LGR6: variants seen among roughly 807,000 people sequenced by gnomAD.
LGR6 encodes the protein leucine-rich repeat-containing G protein-coupled receptor 6.
A neutral mutation model predicts 69.4 loss-of-function variants in LGR6; 45 were observed. That is an observed-to-expected ratio of 0.65 (90% confidence interval 0.51 to 0.83). LGR6 has a LOEUF of 0.83. Ranked by LOEUF, LGR6 falls within the 40% of genes least tolerant of loss-of-function variation. LGR6 has a pLI of 0.00. For missense variants in LGR6, 1,108 were observed against 1,246.7 expected, an observed-to-expected ratio of 0.89 and a Z score of 1.68; for synonymous variants, 538 against 555.0, an observed-to-expected ratio of 0.97 and a Z score of 0.43.
chr1:202,246,989 A>C (rs1662760689), intron 4 of LGR6, among the ~76,000 whole-genome samples: 1 of 152,246 alleles, frequency 6.6e-6, no homozygotes, highest in Non-Finnish European at 1.5e-5. Context: ...CCATGACTTT[A>C]GACTGTGCAG....
chr1:202,286,531 C>A (rs1284865309), intron 6 of LGR6, among the ~76,000 whole-genome samples: 1 of 152,044 alleles, frequency 6.6e-6, no homozygotes, highest in Non-Finnish European at 1.5e-5. Flanking sequence ...CCAAGGACAC[C>A]CAGCTAATTA....
intron 10 of LGR6, 24 bp from the exon 11 acceptor site, chr1:202,304,535 G>A: frequency 6.3e-7 from 1 of 1,584,074 alleles, no homozygotes; most frequent in Non-Finnish European, 8.6e-7. Context: ...CCTGGTGCCA[G>A]CTCTGTCTCT....
chr1:202,301,887 T>C (rs1667622934), intron 9 of LGR6, among the ~76,000 whole-genome samples: 1 of 152,038 alleles, frequency 6.6e-6, no homozygotes, highest in African/African-American at 2.4e-5. Context: ...GGCGTGGTGG[T>C]GGGCACCTGT....
chr1:202,224,618 G>C (rs926139708), intron 1 of LGR6, among the ~76,000 whole-genome samples: 1 of 152,196 alleles, frequency 6.6e-6, no homozygotes, highest in Non-Finnish European at 1.5e-5. Flanking sequence ...GCATTAGTTA[G>C]AGTCTCATAA....
chr1:202,194,734 AG>A (rs1189110283), intron 1 of LGR6: 11 of 261,106 alleles, frequency 4.2e-5, no homozygotes, highest in Non-Finnish European at 7.5e-5. Flanking sequence ...AGAAGCTGGG[AG>A]GGGGGCCTTA....
At chr1:202,316,739 AG>A (rs1240932363) in intron 17 of LGR6, among the ~76,000 whole-genome samples, 1 of 152,200 alleles carries the variant, frequency 6.6e-6, no homozygotes, top group African/African-American at 2.4e-5. Context: ...GTAATAAGAA[AG>A]AAAAGGTTTA....
chr1:202,251,897 G>C (rs1430335443), intron 4 of LGR6, among the ~76,000 whole-genome samples: 1 of 152,146 alleles, frequency 6.6e-6, no homozygotes, highest in African/African-American at 2.4e-5. Flanking sequence ...GAAGAGGAGG[G>C]AGAAGGAGGA....
At chr1:202,235,207 C>T (rs1388183434) in intron 3 of LGR6, among the ~76,000 whole-genome samples, 1 of 152,190 alleles carries the variant, frequency 6.6e-6, no homozygotes, top group East Asian at 1.9e-4. Flanking sequence ...ACCCTCTACC[C>T]TACACATGGG....
chr1:202,226,429 G>A (rs1660556493), intron 2 of LGR6, among the ~76,000 whole-genome samples: 2 of 152,170 alleles, frequency 1.3e-5, no homozygotes, highest in Admixed American at 6.5e-5. Flanking sequence ...CAAACTGTGA[G>A]TTCCTGGCCC....
intron 4 of LGR6, among the ~76,000 whole-genome samples, chr1:202,245,214 C>T (rs986487455): frequency 1.4e-4 from 19 of 138,470 alleles, no homozygotes; most frequent in Admixed American, 8.2e-4. Flanking sequence ...TTTTGGGCTC[C>T]GTGATTATAT....
At chr1:202,306,615 T>C in intron 12 of LGR6, 1 of 527,664 alleles carries the variant, frequency 1.9e-6, no homozygotes, top group Non-Finnish European at 3.4e-6. Context: ...CCAGGCCCAG[T>C]GGGAACACTG....
At chr1:202,248,966 G>A (rs963286994) in intron 4 of LGR6, among the ~76,000 whole-genome samples, 4 of 152,152 alleles carry the variant, frequency 2.6e-5, no homozygotes, top group Non-Finnish European at 4.4e-5. Flanking sequence ...AGGAGAGAAG[G>A]CAGGAGTTGG....
intron 1 of LGR6, chr1:202,214,358 C>A: frequency 1.9e-6 from 2 of 1,026,858 alleles, no homozygotes; most frequent in Non-Finnish European, 1.4e-6. Flanking sequence ...CCCTAATCCC[C>A]TTCCATTGTT....
intron 1 of LGR6, among the ~76,000 whole-genome samples, chr1:202,204,506 AACAC>A (rs572817133): frequency 1.5e-5 from 1 of 66,784 alleles, no homozygotes; most frequent in Non-Finnish European, 2.7e-5. Context: ...CACACCTCCA[AACAC>A]ACACACACCT....
Position 202,276,536 on chromosome 1 carries a change from G to A in LGR6, c.644+15G>A, listed in dbSNP as rs370878950. 9 of 1,601,308 alleles carry A rather than the reference G, an allele frequency of 5.6e-6. No homozygotes were observed. The African/African-American group carries it at 1.1e-4, about 19-fold the overall frequency. On this transcript the variant is annotated intron_variant, in intron 5 of 17. Transcript: ENST00000367278. ...CTTGTGGTGCTGTGAGTGCTGCTCT[G>A]TTCCCCATCCCCAGTGGGGTCCTGC...
chr1:202,214,338 C>T, intron 1 of LGR6: 1 of 1,179,702 alleles, frequency 8.5e-7, no homozygotes, highest in South Asian at 1.6e-5. Flanking sequence ...TGGGGCGCTA[C>T]CCGGGCCGGC....
In LGR6 at chr1:202,235,932, A is replaced by T; in HGVS notation, c.367A>T (p.Asn123Tyr). The change falls in exon 4 of 18, where the codon AAC becomes TAC. Residue 123 changes from asparagine (N) to tyrosine (Y), a missense_variant. Coordinates refer to ENST00000367278, the MANE Select transcript of LGR6 (RefSeq NM_001017403.2). ...LYSLKILMLQ[N>Y]NQLGGIPAEA... ...TCTCTTCTCCCGTAGGATGCTGCAG[A>T]ACAATCAGCTGGGAGGAATCCCCGC... 6 of 1,614,092 alleles carry T rather than the reference A, an allele frequency of 3.7e-6. No individual in the cohort carries two copies. The highest frequency in any genetic ancestry group is 5.1e-6 in the Non-Finnish European group (6 of 1,179,998).
chr1:202,276,663 C>T (rs1665585886), intron 5 of LGR6, 142 bp downstream of exon 5: 1 of 677,996 alleles, frequency 1.5e-6, no homozygotes, highest in Non-Finnish European at 2.5e-6. Context: ...TTTGGAAAAG[C>T]ATGAGGATGA....
chr1:202,226,513 A>G (rs1381981357), intron 2 of LGR6, among the ~76,000 whole-genome samples: 2 of 152,068 alleles, frequency 1.3e-5, no homozygotes, highest in Non-Finnish European at 2.9e-5. Flanking sequence ...GTGACCCTAG[A>G]CAGTGCTCCC....
Sources: allele counts gnomAD v4.1 joint callset (sites outside exome capture counted in the v4.1 genomes callset), GRCh38; gene constraint gnomAD v4.1.1; transcripts MANE v1.5; gene names NCBI Gene and HGNC (gene_info 2026-07-23, HGNC 2026-07-21).